ARL6IP6: variants seen among roughly 807,000 people sequenced by gnomAD.
The protein encoded by ARL6IP6 is ADP-ribosylation factor-like protein 6-interacting protein 6.
In ARL6IP6, 22 loss-of-function variants were observed where a neutral mutation model predicts 21.5. The observed-to-expected ratio is 1.02, with a 90% CI of 0.73 to 1.46. The LOEUF is 1.46. Among genes scored for constraint, ARL6IP6 ranks in the 40% most tolerant of loss-of-function variants. The pLI is 0.00. For synonymous variants in ARL6IP6, 164 were observed against 125.3 expected, an observed-to-expected ratio of 1.31 and a Z score of -2.06; for missense variants, 388 against 299.8, an observed-to-expected ratio of 1.29 and a Z score of -2.17.
chr2:152,729,969 G>T (rs1372104074), intron 2 of ARL6IP6, among the ~76,000 whole-genome samples: 1 of 152,156 alleles, frequency 6.6e-6, no homozygotes, highest in Non-Finnish European at 1.5e-5. Context: ...AAATTTAGTT[G>T]TTGGGGAGTT....
upstream of ARL6IP6, chr2:152,718,429 G>A (rs1699345461): frequency 1.4e-6 from 1 of 709,300 alleles, no homozygotes; most frequent in African/African-American, 1.9e-5. Context: ...GTCGAGCTCT[G>A]GTCGAAGCGC....
At position 152,735,066 on chromosome 2, in the gene ARL6IP6, A is replaced by C; in HGVS notation, c.527A>C (p.Tyr176Ser). 1 of 1,613,538 alleles carries C rather than the reference A, an allele frequency of 6.2e-7. No individual in the cohort carries two copies. Among genetic ancestry groups the C allele is most frequent in the Non-Finnish European group, 8.5e-7 (1 of 1,179,578 alleles). Residue 176 changes from tyrosine (Y) to serine (S), a missense_variant, in exon 3 of 4, where the codon TAC (tyrosine) becomes TCC (serine). Tyr to Ser is a moderately radical substitution (Grantham distance 144, BLOSUM62 -2). Transcript: ENST00000326446. ...SCCSFSWTVT[Y>S]FDSFEPGMFP... ...TGCAGCTTTTCTTGGACAGTGACTT[A>C]CTTTGATTCTTTTGAACCAGGAATG...
At chr2:152,750,426 A>G (rs979630806) in intron 3 of ARL6IP6, among the ~76,000 whole-genome samples, 4 of 151,310 alleles carry the variant, frequency 2.6e-5, no homozygotes, top group Non-Finnish European at 5.9e-5. Context: ...CAGTGAGCCA[A>G]GATCACACCA....
At position 152,719,018 on chromosome 2, in the gene ARL6IP6, G is replaced by T. The variant is rs1699512239; in HGVS notation, c.394G>T (p.Val132Phe). 1 of 1,561,684 alleles carries T rather than the reference G, an allele frequency of 6.4e-7. No homozygotes were observed. The highest frequency in any genetic ancestry group is 1.9e-5 in the Admixed American group (1 of 53,516). Residue 132 changes from valine to phenylalanine, a missense_variant, in exon 1 of 4, where the codon GTT (valine) becomes TTT (phenylalanine). Coordinates refer to ENST00000326446, the MANE Select transcript of ARL6IP6 (RefSeq NM_152522.7). ...AFLLAIAYLI[V>F]KELHAENLKN... Reference sequence around the variant, plus strand: ...CCTCCTCGCCATCGCCTACTTGATCGTTAAAGGTATTGAAGCCGACGCCTT... The same window carrying T: ...CCTCCTCGCCATCGCCTACTTGATCTTTAAAGGTATTGAAGCCGACGCCTT...
chr2:152,754,128 C>G (rs1701469223), intron 3 of ARL6IP6, among the ~76,000 whole-genome samples: 1 of 151,740 alleles, frequency 6.6e-6, no homozygotes, highest in Non-Finnish European at 1.5e-5. Context: ...CTAAAAACTA[C>G]TGAATAACAA....
intron 1 of ARL6IP6, chr2:152,719,875 T>C: frequency 2.1e-6 from 1 of 468,310 alleles, no homozygotes; most frequent in South Asian, 1.6e-5. Context: ...CTCCAGTTTT[T>C]ATTTGTCCTC....
intron 2 of ARL6IP6, among the ~76,000 whole-genome samples, chr2:152,730,640 G>A (rs1278518842): frequency 6.6e-6 from 1 of 152,110 alleles, no homozygotes; most frequent in Non-Finnish European, 1.5e-5. Context: ...GGTGGATACT[G>A]TGCCAGGATA....
chr2:152,717,751 C>A (rs933722213), upstream of ARL6IP6: 3 of 1,293,764 alleles, frequency 2.3e-6, no homozygotes, highest in Non-Finnish European at 3.0e-6. Flanking sequence ...GAGCTTAGAC[C>A]GCCTCACCCC....
At chr2:152,755,213 C>T (rs940842678) in intron 3 of ARL6IP6, among the ~76,000 whole-genome samples, 2 of 152,172 alleles carry the variant, frequency 1.3e-5, no homozygotes, top group East Asian at 1.9e-4. Context: ...CCAGCATCTG[C>T]GAAGACACGC....
chr2:152,738,492 C>T (rs911759388), intron 3 of ARL6IP6, among the ~76,000 whole-genome samples: 1 of 152,218 alleles, frequency 6.6e-6, no homozygotes, highest in African/African-American at 2.4e-5. Context: ...AACATCTAGG[C>T]GTTTCCATAC....
In ARL6IP6 at chr2:152,759,839, A is replaced by G. The variant is rs1268204005; in HGVS notation, c.680A>G (p.Ter227=). The change falls in exon 4 of 4, where the codon TAA becomes TGA. Residue 227 remains the stop codon, a stop_retained_variant. Transcript: ENST00000326446. ...AALTVAWCLM[*] ...CTTACTGTAGCATGGTGCCTCATGT[A>G]AACCCACACTGGAGCGATATTGTTG... 6 of 1,611,000 alleles carry G rather than the reference A, an allele frequency of 3.7e-6. No homozygotes were observed. The East Asian group carries it at 8.9e-5, about 24-fold the overall frequency.
In ARL6IP6 at chr2:152,761,403, A is replaced by G. The variant is rs1559249576; in HGVS notation, c.*1563A>G. The G allele has an allele frequency of 6.6e-6, 1 of 152,142 alleles. No homozygotes were observed. The highest frequency in any genetic ancestry group is 2.4e-5 in the African/African-American group (1 of 41,422). The allele number at this position is 152,142 out of a possible 1,614,324, so 9.4% of individuals were successfully genotyped here. ...GACTCCAAAGAGCCCTTTCATTGCA[A>G]AGATGTACACAAGTAACAGAATCAA... On this transcript the variant is annotated 3_prime_UTR_variant, in exon 4 of 4. Transcript: ENST00000326446.
chr2:152,745,472 G>C (rs931802507), intron 3 of ARL6IP6, among the ~76,000 whole-genome samples: 1 of 151,926 alleles, frequency 6.6e-6, no homozygotes, highest in Non-Finnish European at 1.5e-5. Flanking sequence ...TCTTAACTTG[G>C]GCATATATAT....
At chr2:152,730,900 C>G (rs1442114053) in intron 2 of ARL6IP6, among the ~76,000 whole-genome samples, 1 of 152,128 alleles carries the variant, frequency 6.6e-6, no homozygotes, top group Non-Finnish European at 1.5e-5. Context: ...TGTCAGGAAG[C>G]CCCAGTAGCA....
chr2:152,725,549 A>G (rs1700003689), intron 2 of ARL6IP6, among the ~76,000 whole-genome samples: 1 of 152,354 alleles, frequency 6.6e-6, no homozygotes, highest in Admixed American at 6.5e-5. Context: ...AAAATATGTT[A>G]CAAATTATGG....
In ARL6IP6 at chr2:152,740,585, ATATT is replaced by A. The variant is rs1322353790; in HGVS notation, c.587+5461_587+5464del. Among the ~76,000 whole-genome samples, 9 of 152,172 alleles carry A rather than the reference ATATT, an allele frequency of 5.9e-5. No homozygotes were observed. The Middle Eastern group carries it at 0.014, about 232-fold the overall frequency. ...ACATACAAAATTTAGATGTGTATATATATTTGTGTATGTGTATATATTTGTATAT... is the reference window on the plus strand; with the variant it reads ...ACATACAAAATTTAGATGTGTATATATGTGTATGTGTATATATTTGTATAT... On this transcript the variant is annotated intron_variant, in intron 3 of 3. Transcript: ENST00000326446.
chr2:152,730,641 T>G (rs1403940043), intron 2 of ARL6IP6, among the ~76,000 whole-genome samples: 2 of 152,222 alleles, frequency 1.3e-5, no homozygotes, highest in Admixed American at 1.3e-4. Flanking sequence ...GTGGATACTG[T>G]GCCAGGATAT....
chr2:152,741,464 C>CT (rs771033643), intron 3 of ARL6IP6, among the ~76,000 whole-genome samples: 1 of 150,978 alleles, frequency 6.6e-6, no homozygotes, highest in Non-Finnish European at 1.5e-5. Flanking sequence ...TTTACTGTGA[C>CT]TATCAATTGT....
At chr2:152,734,959 A>G (rs1332993956) in intron 2 of ARL6IP6, 35 bp from the exon 3 acceptor site, 1 of 1,590,956 alleles carries the variant, frequency 6.3e-7, no homozygotes, top group South Asian at 1.1e-5. Flanking sequence ...TTTGGTGTTA[A>G]TAATGTACTT....
Sources: gnomAD v4.1 joint callset for allele counts (sites outside exome capture counted in the v4.1 genomes callset) on GRCh38, gnomAD v4.1.1 for gene constraint, MANE v1.5 for transcripts, NCBI Gene and HGNC (gene_info 2026-07-23, HGNC 2026-07-21) for gene names.